The following NETO1 variants were observed in gnomAD, a reference collection of about 807,000 sequenced individuals.
The protein encoded by NETO1 is neuropilin and tolloid-like protein 1.
NETO1 carries 26 observed loss-of-function variants against 61.3 expected under a neutral mutation model. The ratio of observed to expected loss-of-function variants is 0.42; its 90% confidence interval spans 0.31 to 0.59. The LOEUF is 0.59. Ranked by LOEUF, NETO1 falls within the 20% of genes least tolerant of loss-of-function variation. NETO1 has a pLI of 0.12. For missense variants in NETO1, 531 were observed against 662.8 expected (o/e 0.80, Z 2.18); for synonymous variants, 225 against 225.8 (o/e 1.00, Z 0.03).
rs12968978 is a variant in NETO1, at chr18:72,777,348, G to T, written c.868+6330C>A. Among the ~76,000 whole-genome samples the T allele has an allele frequency of 3.8e-3, 568 of 150,710 alleles. 5 individuals carry two copies. Among genetic ancestry groups the T allele is most frequent in the African/African-American group, 0.01 (426 of 41,124 alleles). On this transcript the variant is annotated intron_variant, in intron 7 of 10. Coordinates refer to ENST00000327305, the MANE Select transcript of NETO1 (RefSeq NM_138966.5). Reference sequence around the variant, plus strand: ...CAGGAGAATAGCTTGAACCCGGGAGGGGGGAGGTTGCAGGGAGCTGAGATC... The same window carrying T: ...CAGGAGAATAGCTTGAACCCGGGAGTGGGGAGGTTGCAGGGAGCTGAGATC...
At chr18:72,772,845 A>C (rs1250160699) in intron 7 of NETO1, among the ~76,000 whole-genome samples, 1,632 of 46,008 alleles carry the variant, frequency 0.035, 38 homozygotes, top group African/African-American at 0.074. Flanking sequence ...ATATATATAT[A>C]TATATATATA....
At chr18:72,822,922 G>T (rs1363771483) in intron 4 of NETO1, among the ~76,000 whole-genome samples, 2 of 152,166 alleles carry the variant, frequency 1.3e-5, no homozygotes, top group Admixed American at 6.5e-5. Flanking sequence ...TGAGCACAAA[G>T]AACAGTGTGA....
intron 6 of NETO1, among the ~76,000 whole-genome samples, chr18:72,789,715 T>A (rs1332844384): frequency 1.3e-5 from 2 of 152,154 alleles, no homozygotes; most frequent in African/African-American, 4.8e-5. Flanking sequence ...AGGTCTGTAT[T>A]TTCTTGAGGA....
intron 7 of NETO1, among the ~76,000 whole-genome samples, chr18:72,782,117 A>G (rs949581839): frequency 2.0e-5 from 3 of 152,122 alleles, no homozygotes; most frequent in African/African-American, 7.2e-5. Flanking sequence ...TTCTGTTACT[A>G]TATTAGACTT....
At chr18:72,765,354 C>A (rs889417718) in intron 7 of NETO1, among the ~76,000 whole-genome samples, 9 of 152,118 alleles carry the variant, frequency 5.9e-5, no homozygotes, top group Non-Finnish European at 1.0e-4. Flanking sequence ...GTCTGGCAAC[C>A]AGATGTACCA....
chr18:72,794,126 T>C lies in NETO1; in HGVS notation c.630A>G (p.Pro210=), dbSNP rs781434513. The stretch of plus-strand genomic sequence containing the variant: ...TCATCTTAAGACTGACCTTGGACCG[T>C]GGAGGTGCTCGGATGTACCACTTGC... ...VDCKWYIRAP[P]RSKIYLRFLD... The change falls in exon 6 of 11, where the codon CCA becomes CCG. Residue 210 remains proline (P), a synonymous_variant. Coordinates refer to ENST00000327305, the MANE Select transcript of NETO1 (RefSeq NM_138966.5). 2.5e-6 allele frequency: 4 copies of C among 1,614,182 alleles called. No individual in the cohort carries two copies. The highest frequency in any genetic ancestry group is 3.4e-6 in the Non-Finnish European group (4 of 1,180,030).
chr18:72,758,127 T>A (rs1042615549), intron 7 of NETO1, among the ~76,000 whole-genome samples: 2 of 152,136 alleles, frequency 1.3e-5, no homozygotes, highest in African/African-American at 4.8e-5. Context: ...TGCATTAGTA[T>A]GTTGGTAAGA....
At chr18:72,814,910 A>G (rs1270352749) in intron 4 of NETO1, among the ~76,000 whole-genome samples, 1 of 151,706 alleles carries the variant, frequency 6.6e-6, no homozygotes, top group East Asian at 1.9e-4. Context: ...ATCTACCACC[A>G]TAGGGACAGA....
At chr18:72,862,613 T>G (rs1015374290) in intron 3 of NETO1, among the ~76,000 whole-genome samples, 1 of 43,886 alleles carries the variant, frequency 2.3e-5, no homozygotes, top group Admixed American at 2.9e-4. Context: ...CTCATGATCC[T>G]TTTTTTTTCT....
At chr18:72,827,470 G>A (rs2073417825) in intron 4 of NETO1, among the ~76,000 whole-genome samples, 1 of 152,146 alleles carries the variant, frequency 6.6e-6, no homozygotes, top group Admixed American at 6.5e-5. Flanking sequence ...ACAGCAAGGG[G>A]CCAGGCCCAA....
rs780740170 is a variant in NETO1, at chr18:72,858,841, A to G, written c.454T>C (p.Tyr152His). Residue 152 changes from tyrosine to histidine, a missense_variant, in exon 4 of 11, where the codon TAC becomes CAC. Tyr to His is a moderately conservative substitution (Grantham distance 83, BLOSUM62 2). Coordinates refer to ENST00000327305, the MANE Select transcript of NETO1 (RefSeq NM_138966.5). ...ELESMGFSAR[Y>H]NFTPDPDFKD... ...ACTTACTTACCAGGTGTGAAATTGT[A>G]TCGAGCTGAAAATCCCATAGATTCC... The G allele has an allele frequency of 6.2e-7, 1 of 1,610,996 alleles. No individual in the cohort carries two copies. Among genetic ancestry groups the G allele is most frequent in the African/African-American group, 1.3e-5 (1 of 74,626 alleles).
chr18:72,763,614 TCA>T (rs1429965935), intron 7 of NETO1, among the ~76,000 whole-genome samples: 1 of 149,054 alleles, frequency 6.7e-6, no homozygotes, highest in East Asian at 2.0e-4. Context: ...CACACACCAT[TCA>T]CACACACACT....
intron 1 of NETO1, among the ~76,000 whole-genome samples, chr18:72,866,185 T>C (rs1481541364): frequency 1.3e-5 from 2 of 152,230 alleles, no homozygotes; most frequent in African/African-American, 2.4e-5. Flanking sequence ...ATAAAAGGTC[T>C]ATGTTTTCAC....
intron 7 of NETO1, among the ~76,000 whole-genome samples, chr18:72,781,968 A>C (rs2071756873): frequency 6.6e-6 from 1 of 152,162 alleles, no homozygotes; most frequent in African/African-American, 2.4e-5. Flanking sequence ...CATAGTACCC[A>C]ACAGGGGTAC....
Position 72,748,153 on chromosome 18 carries a change from A to G in NETO1, c.*26T>C, listed in dbSNP as rs1490700321. On this transcript the variant is annotated 3_prime_UTR_variant, in exon 11 of 11. Transcript: ENST00000327305. The stretch of plus-strand genomic sequence containing the variant: ...TTTTCACAGTCCCCATGTTTGTATA[A>G]ATAGTTCTTCTCTGAAAATAAAAAA... The G allele has an allele frequency of 1.0e-6, 1 of 981,906 alleles. No individual in the cohort carries two copies. Among genetic ancestry groups the G allele is most frequent in the East Asian group, 1.1e-4 (1 of 8,806 alleles). The allele number at this position is 981,906 out of a possible 1,614,324, so 60.8% of individuals were successfully genotyped here.
intron 7 of NETO1, among the ~76,000 whole-genome samples, chr18:72,782,465 T>C (rs2071775726): frequency 6.6e-6 from 1 of 152,208 alleles, no homozygotes; most frequent in Admixed American, 6.5e-5. Flanking sequence ...TGTTCCCTTT[T>C]TTCCCACAAC....
At chr18:72,859,692 G>A (rs2074510586) in intron 3 of NETO1, among the ~76,000 whole-genome samples, 3 of 152,118 alleles carry the variant, frequency 2.0e-5, no homozygotes, top group Admixed American at 2.0e-4. Flanking sequence ...CTCACAGAGA[G>A]CCTGAGCTCA....
intron 4 of NETO1, among the ~76,000 whole-genome samples, chr18:72,837,779 T>C (rs1461230833): frequency 6.6e-6 from 1 of 152,176 alleles, no homozygotes; most frequent in Non-Finnish European, 1.5e-5. Flanking sequence ...CCTATAGATT[T>C]TCAGTTCTTA....
At chr18:72,861,352 C>T (rs992686703) in intron 3 of NETO1, among the ~76,000 whole-genome samples, 3 of 152,176 alleles carry the variant, frequency 2.0e-5, no homozygotes, top group South Asian at 2.1e-4. Context: ...ACTAAGTTTG[C>T]CACATACTTA....
Sources: gnomAD v4.1 joint callset for allele counts (sites outside exome capture counted in the v4.1 genomes callset) on GRCh38, gnomAD v4.1.1 for gene constraint, MANE v1.5 for transcripts, NCBI Gene and HGNC (gene_info 2026-07-23, HGNC 2026-07-21) for gene names.